The following MICAL2 variants were observed in gnomAD, a reference collection of about 807,000 sequenced individuals.
MICAL2 encodes [F-actin]-monooxygenase MICAL2.
In MICAL2, 77 loss-of-function variants were observed where a neutral mutation model predicts 127.3. The observed-to-expected ratio is 0.60, with a 90% CI of 0.50 to 0.73. The LOEUF is 0.73. Among genes scored for constraint, MICAL2 ranks in the 30% least tolerant of loss-of-function variants. The pLI is 0.00. For missense variants in MICAL2, 1,351 were observed against 1,434.4 expected (o/e 0.94, Z 0.94); for synonymous variants, 570 against 551.1 (o/e 1.03, Z -0.48).
chr11:12,227,508 A>C (rs143010881), intron 15 of MICAL2, among the ~76,000 whole-genome samples: 2 of 152,232 alleles, frequency 1.3e-5, no homozygotes, highest in African/African-American at 4.8e-5. Context: ...GCAGAAGTGC[A>C]TGGTGATGAT....
intron 2 of MICAL2, among the ~76,000 whole-genome samples, chr11:12,144,322 G>A (rs183657485): frequency 4.1e-4 from 62 of 152,302 alleles, no homozygotes; most frequent in African/African-American, 1.4e-3. Context: ...TATTCATCAG[G>A]ATGATGGGAG....
intron 32 of MICAL2, among the ~76,000 whole-genome samples, chr11:12,341,935 T>C (rs1350057873): frequency 2.0e-5 from 3 of 152,212 alleles, no homozygotes; most frequent in African/African-American, 7.2e-5. Flanking sequence ...AGTAACATAG[T>C]GTGCTTTGCA....
chr11:12,210,897 TCTGGCCCCCCAGACA>T (rs1855367576), intron 6 of MICAL2, among the ~76,000 whole-genome samples: 1 of 152,196 alleles, frequency 6.6e-6, no homozygotes, highest in African/African-American at 2.4e-5. Flanking sequence ...ATCCCTGGCC[TCTGGCCCCCCAGACA>T]CTGGCAGCAC....
intron 1 of MICAL2, among the ~76,000 whole-genome samples, chr11:12,137,596 AGT>A (rs763789361): frequency 0.016 from 2,382 of 151,310 alleles, 29 homozygotes; most frequent in Middle Eastern, 0.038. Context: ...AGAGAGAGAG[AGT>A]GTGTGTGTGT....
rs575235757 is a variant in MICAL2, at chr11:12,119,259, C to T, written c.-149+8533C>T. On this transcript the variant is annotated intron_variant, in intron 1 of 27. Transcript: ENST00000683283. ...TTTATGTTGTATCTCTTCAGAAGCT[C>T]CTAGCAGATGTCTGTTTATTGCTGA... 4.6e-5 allele frequency among the ~76,000 whole-genome samples: 7 copies of T among 152,276 alleles called. No individual in the cohort carries two copies. In the South Asian group the frequency reaches 1.2e-3, roughly 27 times the overall value.
intron 32 of MICAL2, among the ~76,000 whole-genome samples, chr11:12,336,538 A>G (rs1938764232): frequency 6.6e-6 from 1 of 152,208 alleles, no homozygotes; most frequent in African/African-American, 2.4e-5. Flanking sequence ...GCCAGTTTTC[A>G]AAGGGAATGC....
At chr11:12,268,508 T>TG (rs1285530471), downstream of MICAL2, among the ~76,000 whole-genome samples, 1 of 152,050 alleles carries the variant, frequency 6.6e-6, no homozygotes, top group Non-Finnish European at 1.5e-5. Context: ...AGGGACAGGG[T>TG]GGGGAACACT....
Position 12,244,242 on chromosome 11 carries a change from C to A in MICAL2, c.2784+130C>A. 6 of 1,263,220 alleles carry A rather than the reference C, an allele frequency of 4.7e-6. 1 individual carries two copies. The South Asian group carries it at 6.5e-5, about 14-fold the overall frequency. The allele number at this position is 1,263,220 out of a possible 1,614,324, so 78.3% of individuals were successfully genotyped here. A position where few individuals can be genotyped will look rare whatever the true frequency, so the allele number is the denominator to read the frequency against. ...TAAAAATTTGTAAGATATTTTACACCAGTGCTGGATTCAATTTTGTTTTTG... is the reference window on the plus strand; with the variant it reads ...TAAAAATTTGTAAGATATTTTACACAAGTGCTGGATTCAATTTTGTTTTTG... On this transcript the variant is annotated intron_variant, in intron 21 of 27. Coordinates refer to ENST00000683283, the MANE Select transcript of MICAL2 (RefSeq NM_001282663.2).
At chr11:12,246,411 C>T (rs113660748) in intron 21 of MICAL2, among the ~76,000 whole-genome samples, 2,361 of 152,314 alleles carry the variant, frequency 0.016, 58 homozygotes, top group African/African-American at 0.053. Context: ...CCATTTGCCA[C>T]GCTGGTGAGC....
downstream of MICAL2, among the ~76,000 whole-genome samples, chr11:12,360,436 G>A (rs930547197): frequency 6.6e-6 from 1 of 152,152 alleles, no homozygotes; most frequent in African/African-American, 2.4e-5. Flanking sequence ...TTAGAGGTAA[G>A]ATTATGGATG....
At chr11:12,332,399 A>G (rs1938659461) in intron 32 of MICAL2, among the ~76,000 whole-genome samples, 1 of 152,226 alleles carries the variant, frequency 6.6e-6, no homozygotes, top group African/African-American at 2.4e-5. Context: ...AACACAGATA[A>G]TATTATTTTG....
intron 1 of MICAL2, among the ~76,000 whole-genome samples, chr11:12,113,170 T>C (rs1849734672): frequency 6.6e-6 from 1 of 152,266 alleles, no homozygotes; most frequent in Non-Finnish European, 1.5e-5. Flanking sequence ...TGTTTCATTC[T>C]TTACATCATT....
Position 12,184,243 on chromosome 11 carries a change from C to T in MICAL2, c.265-20007C>T, listed in dbSNP as rs575031650. Among the ~76,000 whole-genome samples the T allele has an allele frequency of 2.7e-3, 407 of 152,310 alleles. 4 individuals carry two copies. Among genetic ancestry groups the T allele is most frequent in the African/African-American group, 9.4e-3 (389 of 41,572 alleles). On this transcript the variant is annotated intron_variant, in intron 3 of 27. Transcript: ENST00000683283. ...GGCCGGCATAGAGGAAGATGATTAC[C>T]TTTGTCATGATTACTGTTTGTCAGG...
Position 12,213,515 on chromosome 11 carries a change from A to G in MICAL2, c.847+105A>G, listed in dbSNP as rs573610245. 3.2e-5 allele frequency: 37 copies of G among 1,158,960 alleles called. No individual in the cohort carries two copies. In the South Asian group the frequency reaches 5.8e-4, roughly 18 times the overall value. The allele number at this position is 1,158,960 out of a possible 1,614,324, so 71.8% of individuals were successfully genotyped here. ...TTTCTGGGCTCTTGGGCCTCGAGGG[A>G]CTCACTCTGATAGAGTGGAAGCAAT... On this transcript the variant is annotated intron_variant, in intron 7 of 27. Transcript: ENST00000683283.
Position 12,327,215 on chromosome 11 carries a change from G to A in MICAL2, c.5464G>A (p.Ala1822Thr), listed in dbSNP as rs1425914583. The A allele has an allele frequency of 2.6e-6, 4 of 1,551,582 alleles. No individual in the cohort carries two copies. Among genetic ancestry groups the A allele is most frequent in the East Asian group, 2.4e-5 (1 of 40,992 alleles). Reference sequence around the variant, plus strand: ...GGAGGAGGTGGAGGAGCGGCAGAGGGCTTCTGAGATCCAGGGTGTGAGGCT... The same window carrying A: ...GGAGGAGGTGGAGGAGCGGCAGAGGACTTCTGAGATCCAGGGTGTGAGGCT... Residue 1822 changes from alanine to threonine, a missense_variant, in exon 32 of 35, where the codon GCT becomes ACT. By Grantham distance (58) the Ala-to-Thr change is moderately conservative. Coordinates refer to the MICAL2 transcript ENST00000646065.
At chr11:12,170,222 G>T (rs568064921) in intron 3 of MICAL2, among the ~76,000 whole-genome samples, 13 of 152,226 alleles carry the variant, frequency 8.5e-5, no homozygotes, top group African/African-American at 3.1e-4. Context: ...GGCCTAGGTG[G>T]GTGGGTCCCT....
rs903318524 is a variant in MICAL2 at position 12,249,069 on chromosome 11, T to C, written c.2785-115T>C. 5 of 1,370,246 alleles carry C rather than the reference T, an allele frequency of 3.6e-6. No individual in the cohort carries two copies. In the Admixed American group the frequency reaches 5.5e-5, roughly 15 times the overall value. The allele number at this position is 1,370,246 out of a possible 1,614,324, so 84.9% of individuals were successfully genotyped here. On this transcript the variant is annotated intron_variant, in intron 21 of 27. Coordinates refer to ENST00000683283, the MANE Select transcript of MICAL2 (RefSeq NM_001282663.2). The stretch of plus-strand genomic sequence containing the variant: ...GGGTAACTGGAATACTGCAATGTCC[T>C]AACCTATGCAAAATGCCTGAAGTAT...
intron 4 of MICAL2, among the ~76,000 whole-genome samples, 165 bp downstream of exon 4, chr11:12,204,622 C>A (rs899291887): frequency 3.9e-5 from 6 of 152,204 alleles, no homozygotes; most frequent in Non-Finnish European, 7.3e-5. Context: ...GTGCCTTGTT[C>A]TGGGCCCTGG....
chr11:12,217,230 G>T (rs1856282439), intron 8 of MICAL2, among the ~76,000 whole-genome samples: 2 of 152,222 alleles, frequency 1.3e-5, no homozygotes, highest in Admixed American at 1.3e-4. Context: ...TCAGCCTGGA[G>T]CCCAGGCAGC....
Sources: allele counts gnomAD v4.1 joint callset (sites outside exome capture counted in the v4.1 genomes callset), GRCh38; gene constraint gnomAD v4.1.1; transcripts MANE v1.5; gene names NCBI Gene and HGNC (gene_info 2026-07-23, HGNC 2026-07-21).